CEP128: variants seen among roughly 807,000 people sequenced by gnomAD.
CEP128 encodes the protein centrosomal protein 128kDa.
A neutral mutation model predicts 156.7 loss-of-function variants in CEP128; 132 were observed. The ratio of observed to expected loss-of-function variants is 0.84; its 90% CI spans 0.73 to 0.97. The LOEUF (loss-of-function observed/expected upper bound fraction) is 0.97. CEP128 is among the 50% of genes least tolerant of loss of function. The pLI, the probability that CEP128 is intolerant of heterozygous loss-of-function variation, is 0.00. For synonymous variants in CEP128, 469 were observed against 448.9 expected (o/e 1.04, Z -0.57); for missense variants, 1,252 against 1,281.9 (o/e 0.98, Z 0.36).
At chr14:80,760,197 G>C (rs747190638) in intron 17 of CEP128, among the ~76,000 whole-genome samples, 1 of 151,044 alleles carries the variant, frequency 6.6e-6, no homozygotes, top group Non-Finnish European at 1.5e-5. Flanking sequence ...AGTTCTAAAA[G>C]AGTTAGTTTT....
At chr14:80,751,121 C>G (rs1282535448) in intron 18 of CEP128, among the ~76,000 whole-genome samples, 1 of 152,176 alleles carries the variant, frequency 6.6e-6, no homozygotes, top group Admixed American at 6.5e-5. Context: ...GCCTCCAGAA[C>G]TGTGAGAAAA....
chr14:80,621,019 G>C (rs1018425650), intron 19 of CEP128, among the ~76,000 whole-genome samples: 1 of 152,098 alleles, frequency 6.6e-6, no homozygotes, highest in Non-Finnish European at 1.5e-5. Flanking sequence ...CACATCTAAA[G>C]CCTGAGGGAA....
At chr14:80,875,801 G>C (rs1375789020) in intron 8 of CEP128, among the ~76,000 whole-genome samples, 1 of 152,122 alleles carries the variant, frequency 6.6e-6, no homozygotes, top group Non-Finnish European at 1.5e-5. Flanking sequence ...TTTAAAATAT[G>C]TTCTTAAGGT....
At chr14:80,955,913 G>A (rs2239610) in intron 2 of CEP128, 6 of 1,607,252 alleles carry the variant, frequency 3.7e-6, no homozygotes, top group Non-Finnish European at 5.1e-6. Flanking sequence ...GAGGTGGCCC[G>A]AAGTGCACAA....
intron 14 of CEP128, among the ~76,000 whole-genome samples, chr14:80,787,208 G>A (rs1489184770): frequency 6.6e-6 from 1 of 152,136 alleles, no homozygotes; most frequent in African/African-American, 2.4e-5. Context: ...AGCTGGCCAG[G>A]GCGCTTGTCT....
chr14:80,541,319 A>G (rs2140310833), intron 21 of CEP128, among the ~76,000 whole-genome samples: 1 of 152,198 alleles, frequency 6.6e-6, no homozygotes, highest in South Asian at 2.1e-4. Flanking sequence ...GATTTTATAA[A>G]GAAAAAGCAA....
At position 80,497,578 on chromosome 14, in the gene CEP128, A is replaced by G; in HGVS notation, c.3186T>C (p.Phe1062=). Reference sequence around the variant, plus strand: ...AATCTGGAGCAACAGTTCTTTTGGTAAATGCTGGCAAGGTAAGAAGAAAAA... The same window carrying G: ...AATCTGGAGCAACAGTTCTTTTGGTGAATGCTGGCAAGGTAAGAAGAAAAA... ...SSPRFSYVNS[F]TKRTVAPDSA... Residue 1062 remains phenylalanine, a synonymous_variant, in exon 25 of 25, where the codon TTT becomes TTC. Transcript: ENST00000555265. 6.2e-7 allele frequency: 1 copy of G among 1,607,554 alleles called. No individual in the cohort carries two copies. The highest frequency in any genetic ancestry group is 8.5e-7 in the Non-Finnish European group (1 of 1,174,860).
chr14:80,783,637 T>C (rs566980528), intron 15 of CEP128, among the ~76,000 whole-genome samples: 1 of 152,312 alleles, frequency 6.6e-6, no homozygotes, highest in African/African-American at 2.4e-5. Flanking sequence ...AACTCTACTT[T>C]CTATATTCAT....
chr14:80,821,639 A>G (rs1356011916), intron 13 of CEP128, among the ~76,000 whole-genome samples: 1 of 131,868 alleles, frequency 7.6e-6, no homozygotes, highest in Non-Finnish European at 1.6e-5. Context: ...ACACACACAC[A>G]CACATGCACA....
At chr14:80,895,611 A>G in intron 8 of CEP128, 107 bp downstream of exon 8, 2 of 656,200 alleles carry the variant, frequency 3.0e-6, no homozygotes, top group Non-Finnish European at 4.9e-6. Flanking sequence ...ACAAAATGGG[A>G]CATACCACCC....
At position 80,727,079 on chromosome 14, in the gene CEP128, GAA is replaced by G. The variant is rs1196412299; in HGVS notation, c.2806+15994_2806+15995del. 4.6e-5 allele frequency among the ~76,000 whole-genome samples: 7 copies of G among 152,266 alleles called. No homozygotes were observed. The East Asian group carries it at 1.2e-3, about 25-fold the overall frequency. The stretch of plus-strand genomic sequence containing the variant: ...ACATGGTTATGGAGGCATGGAAACT[GAA>G]AGACAAGTACAATACCGCTGTGAAA... On this transcript the variant is annotated intron_variant, in intron 19 of 24. Coordinates refer to ENST00000555265, the MANE Select transcript of CEP128 (RefSeq NM_152446.5).
chr14:80,537,522 T>C (rs957513351), intron 21 of CEP128, among the ~76,000 whole-genome samples: 4 of 152,160 alleles, frequency 2.6e-5, no homozygotes, highest in Non-Finnish European at 5.9e-5. Context: ...TAATGTTCTC[T>C]GTGTGCTGAA....
intron 9 of CEP128, among the ~76,000 whole-genome samples, chr14:80,857,734 C>CAA (rs746111217): frequency 1.2e-5 from 1 of 83,090 alleles, no homozygotes; most frequent in African/African-American, 4.9e-5. Context: ...GACCCCATCT[C>CAA]AAAAAAAAAC....
intron 19 of CEP128, among the ~76,000 whole-genome samples, chr14:80,597,944 C>T (rs1300749380): frequency 1.1e-5 from 1 of 87,808 alleles, no homozygotes; most frequent in Non-Finnish European, 2.2e-5. Flanking sequence ...GGGAATTCCT[C>T]AGCTACAAAA....
At chr14:80,649,037 T>C (rs1315174919) in intron 19 of CEP128, among the ~76,000 whole-genome samples, 1 of 152,118 alleles carries the variant, frequency 6.6e-6, no homozygotes, top group East Asian at 1.9e-4. Flanking sequence ...TACAAAATAC[T>C]GACCTTAATT....
chr14:80,531,751 A>C (rs1188833850), intron 21 of CEP128, among the ~76,000 whole-genome samples: 1 of 152,198 alleles, frequency 6.6e-6, no homozygotes, highest in East Asian at 1.9e-4. Context: ...AGTGTACTGC[A>C]AGAACCTAGA....
chr14:80,691,871 A>G (rs921524375), intron 19 of CEP128, among the ~76,000 whole-genome samples: 1 of 152,232 alleles, frequency 6.6e-6, no homozygotes, highest in Non-Finnish European at 1.5e-5. Context: ...AATATTTAAT[A>G]AAATTTTGTA....
chr14:80,624,174 T>A (rs1370839061), intron 19 of CEP128, among the ~76,000 whole-genome samples: 1 of 152,206 alleles, frequency 6.6e-6, no homozygotes. Flanking sequence ...GAACACGCAG[T>A]CTTTATCTTT....
intron 21 of CEP128, among the ~76,000 whole-genome samples, chr14:80,532,616 C>G (rs1034480367): frequency 6.6e-6 from 1 of 152,204 alleles, no homozygotes; most frequent in Non-Finnish European, 1.5e-5. Context: ...CCTCCTTCCA[C>G]AGTAACTGTG....
Sources: allele counts gnomAD v4.1 joint callset (sites outside exome capture counted in the v4.1 genomes callset), GRCh38; gene constraint gnomAD v4.1.1; transcripts MANE v1.5; gene names NCBI Gene and HGNC (gene_info 2026-07-23, HGNC 2026-07-21).